The following CBX7 variants were observed in gnomAD, a reference collection of about 807,000 sequenced individuals.
CBX7 encodes the protein chromobox protein homolog 7.
CBX7 carries 14 observed loss-of-function variants against 31.4 expected under a neutral mutation model. The ratio of observed to expected loss-of-function variants is 0.45; its 90% CI spans 0.29 to 0.70. The LOEUF (loss-of-function observed/expected upper bound fraction) is 0.70, where lower values mean the gene tolerates loss of function less well. Ranked by LOEUF, CBX7 falls within the 30% of genes least tolerant of loss-of-function variation. The pLI, the probability that CBX7 is intolerant of heterozygous loss-of-function variation, is 0.11. For missense variants in CBX7, 269 were observed against 351.9 expected (o/e 0.76, Z 1.89); for synonymous variants, 159 against 152.6 (o/e 1.04, Z -0.31).
chr22:39,139,981 C>CTTAT (rs1930397569), intron 3 of CBX7, among the ~76,000 whole-genome samples: 1 of 152,042 alleles, frequency 6.6e-6, no homozygotes, highest in Non-Finnish European at 1.5e-5. Flanking sequence ...ACACATGACA[C>CTTAT]ATAAGACAAC....
intron 1 of CBX7, among the ~76,000 whole-genome samples, chr22:39,150,294 C>A (rs1268236482): frequency 6.6e-6 from 1 of 152,174 alleles, no homozygotes; most frequent in Non-Finnish European, 1.5e-5. Context: ...TCTGCTGAGT[C>A]CCCTTTCAGT....
At chr22:39,143,537 G>A (rs1292811150) in intron 2 of CBX7, among the ~76,000 whole-genome samples, 1 of 152,188 alleles carries the variant, frequency 6.6e-6, no homozygotes, top group Non-Finnish European at 1.5e-5. Flanking sequence ...AGTGTTCAAT[G>A]TGAAAAATAT....
intron 2 of CBX7, 94 bp downstream of exon 2, chr22:39,149,694 GC>G: frequency 9.9e-7 from 1 of 1,013,710 alleles, no homozygotes; most frequent in Non-Finnish European, 1.6e-6. Context: ...AGTAGCTGGA[GC>G]TAAAAGCTAG....
chr22:39,134,328 T>C (rs1930160931), intron 5 of CBX7, 73 bp downstream of exon 5: 5 of 1,293,020 alleles, frequency 3.9e-6, no homozygotes, highest in Non-Finnish European at 1.0e-6. Context: ...TCTTTGGACA[T>C]TGAACCAGCT....
rs919403014 is a variant in CBX7 at position 39,133,783 on chromosome 22, G to A, written c.*108C>T. The A allele has an allele frequency of 9.1e-6, 10 of 1,092,966 alleles. No individual in the cohort carries two copies. Among genetic ancestry groups the A allele is most frequent in the African/African-American group, 1.6e-5 (1 of 61,476 alleles). 67.7% of individuals were successfully genotyped at this position (1,092,966 alleles called of 1,614,324 possible). ...GGGATCTTCTCCCCTTTTGCTGCTC[G>A]GTATTTTTTTAAATAAAATAATTAC... is the stretch of plus-strand genomic sequence containing the variant. On this transcript the variant is annotated 3_prime_UTR_variant, in exon 6 of 6. Transcript: ENST00000216133.
intron 1 of CBX7, among the ~76,000 whole-genome samples, chr22:39,150,162 A>G (rs1930801066): frequency 6.6e-6 from 1 of 152,212 alleles, no homozygotes; most frequent in East Asian, 1.9e-4. Context: ...TGCGTGGCCA[A>G]AGACCCACAG....
intron 2 of CBX7, among the ~76,000 whole-genome samples, chr22:39,145,200 G>A (rs1005940818): frequency 1.3e-5 from 2 of 152,208 alleles, no homozygotes; most frequent in East Asian, 3.9e-4. Context: ...CTTGGCTGCC[G>A]AGTGCAGCCC....
chr22:39,145,690 G>GGC (rs1930629272), intron 2 of CBX7, among the ~76,000 whole-genome samples: 2 of 150,542 alleles, frequency 1.3e-5, no homozygotes, highest in African/African-American at 4.9e-5. Flanking sequence ...CACGGGGAGG[G>GGC]GCGCGCGCCG....
Position 39,152,539 on chromosome 22 carries a change from T to C in CBX7, c.-95A>G, listed in dbSNP as rs979410235. 2 of 468,126 alleles carry C rather than the reference T, an allele frequency of 4.3e-6. No homozygotes were observed. Among genetic ancestry groups the C allele is most frequent in the African/African-American group, 4.3e-5 (2 of 46,084 alleles). The allele number at this position is 468,126 out of a possible 1,614,324, so 29.0% of individuals were successfully genotyped here. On this transcript the variant is annotated 5_prime_UTR_variant, in exon 1 of 6. Coordinates refer to ENST00000216133, the MANE Select transcript of CBX7 (RefSeq NM_175709.5). The surrounding 1 kb of genome is among the most constrained non-coding windows in gnomAD (Gnocchi z 4.9). Reference sequence around the variant, plus strand: ...GCGCGCGATGCTGGGGCTGGCGGGGTCCCCGTCACCCTCGTCCGGGCGCGC... The same window carrying C: ...GCGCGCGATGCTGGGGCTGGCGGGGCCCCCGTCACCCTCGTCCGGGCGCGC...
In CBX7 at chr22:39,152,181, C is replaced by T. The variant is rs1930882679; in HGVS notation, c.69+195G>A. 6.6e-6 allele frequency among the ~76,000 whole-genome samples: 1 copy of T among 152,018 alleles called. No individual in the cohort carries two copies. The highest frequency in any genetic ancestry group is 2.1e-4 in the South Asian group (1 of 4,826). ...CTCGGCCGCCACTAGCATCCTGGAG[C>T]GACAACTTTTGTTCTACTCGCCCTA... is the stretch of plus-strand genomic sequence containing the variant. On this transcript the variant is annotated intron_variant, in intron 1 of 5. Coordinates refer to ENST00000216133, the MANE Select transcript of CBX7 (RefSeq NM_175709.5). This position sits in a 1 kb window ranked among gnomAD's most constrained non-coding sequence, Gnocchi z 4.9.
intron 2 of CBX7, among the ~76,000 whole-genome samples, 169 bp from the exon 3 acceptor site, chr22:39,141,605 C>T (rs556258432): frequency 8.6e-4 from 131 of 152,082 alleles, no homozygotes; most frequent in Non-Finnish European, 1.1e-3. Flanking sequence ...AAAAATTAGC[C>T]GGGCGTGGTG....
intron 2 of CBX7, among the ~76,000 whole-genome samples, chr22:39,146,256 A>G (rs1930657595): frequency 6.6e-6 from 1 of 152,256 alleles, no homozygotes; most frequent in Admixed American, 6.5e-5. Context: ...GAAGGCAAAT[A>G]AGCCTGAGTT....
chr22:39,139,254 G>A (rs1930362060), intron 3 of CBX7, among the ~76,000 whole-genome samples: 1 of 152,172 alleles, frequency 6.6e-6, no homozygotes, highest in South Asian at 2.1e-4. Context: ...CCTGTTCTGA[G>A]TGCCCAGCAG....
At chr22:39,137,382 C>T (rs1375156521) in intron 4 of CBX7, among the ~76,000 whole-genome samples, 1 of 151,942 alleles carries the variant, frequency 6.6e-6, no homozygotes. Context: ...GAGTTTCACT[C>T]TTATCACCCA....
chr22:39,141,712 G>A (rs542513497), intron 2 of CBX7, among the ~76,000 whole-genome samples: 5 of 150,744 alleles, frequency 3.3e-5, no homozygotes, highest in Admixed American at 6.6e-5. Flanking sequence ...TGACACCATT[G>A]CACTCCAGCC....
rs1323757325 is a variant in CBX7 at position 39,133,864 on chromosome 22, C to T, written c.*27G>A. 1.3e-6 allele frequency: 2 copies of T among 1,555,166 alleles called. No individual in the cohort carries two copies. The highest frequency in any genetic ancestry group is 4.7e-5 in the East Asian group (2 of 42,530). On this transcript the variant is annotated 3_prime_UTR_variant, in exon 6 of 6. Coordinates refer to ENST00000216133, the MANE Select transcript of CBX7 (RefSeq NM_175709.5). ...GTCCCACCCCAAGCCCAAAAGAAAACAGTTTAAGAAGAGTAAAAACGGTGA... is the reference window on the plus strand; with the variant it reads ...GTCCCACCCCAAGCCCAAAAGAAAATAGTTTAAGAAGAGTAAAAACGGTGA...
intron 2 of CBX7, 101 bp downstream of exon 2, chr22:39,149,688 G>A: frequency 1.1e-6 from 1 of 935,022 alleles, no homozygotes; most frequent in Non-Finnish European, 1.8e-6. Context: ...TACAAGAGTA[G>A]CTGGAGCTAA....
At chr22:39,147,086 CTTTTTTTTTTTTTTTTTTTTT>C (rs34901545) in intron 2 of CBX7, 1 of 62,332 alleles carries the variant, frequency 1.6e-5, no homozygotes, top group South Asian at 5.9e-4. Context: ...AAAGTGTCCA[CTTTTTTTTTTTTTTTTTTTTT>C]TTTTTTTTTT....
chr22:39,138,167 A>G (rs1930322905), intron 4 of CBX7, among the ~76,000 whole-genome samples: 1 of 143,048 alleles, frequency 7.0e-6, no homozygotes, highest in African/African-American at 2.7e-5. Context: ...TGAGCGACAG[A>G]GCGAGACTCC....
Sources: allele counts gnomAD v4.1 joint callset (sites outside exome capture counted in the v4.1 genomes callset), GRCh38; gene constraint gnomAD v4.1.1; non-coding constraint Gnocchi (gnomAD v3.1); transcripts MANE v1.5; gene names NCBI Gene and HGNC (gene_info 2026-07-23, HGNC 2026-07-21).